The following VPS13B variants were observed in gnomAD, a reference collection of about 807,000 sequenced individuals.
VPS13B encodes the protein vacuolar protein sorting 13 homolog B, also known as intermembrane lipid transfer protein VPS13B.
VPS13B carries 285 observed loss-of-function variants against 426.4 expected under a neutral mutation model. That is an observed-to-expected ratio of 0.67 (90% confidence interval 0.61 to 0.74). VPS13B has a LOEUF of 0.74. VPS13B is among the 30% of genes least tolerant of loss of function. The pLI, the probability that VPS13B is intolerant of heterozygous loss-of-function variation, is 0.00. For synonymous variants in VPS13B, 1,676 were observed against 1,676.4 expected (o/e 1.00, Z 0.01); for missense variants, 4,537 against 4,782.6 (o/e 0.95, Z 1.51).
At chr8:99,858,483 C>A (rs1044210752) in intron 56 of VPS13B, among the ~76,000 whole-genome samples, 2 of 152,276 alleles carry the variant, frequency 1.3e-5, no homozygotes, top group East Asian at 3.9e-4. Flanking sequence ...TCACAGAGTT[C>A]AAGACCAGCC....
chr8:99,855,334 A>G (rs542433567), intron 56 of VPS13B, among the ~76,000 whole-genome samples: 81 of 152,300 alleles, frequency 5.3e-4, no homozygotes, highest in Admixed American at 2.1e-3. Flanking sequence ...GTGAGCTATG[A>G]TCACATCACT....
chr8:99,761,909 A>G (rs1810950861), intron 39 of VPS13B, among the ~76,000 whole-genome samples: 1 of 152,218 alleles, frequency 6.6e-6, no homozygotes, highest in Non-Finnish European at 1.5e-5. Context: ...CATAGGATAA[A>G]TAAGATCTGA....
At chr8:99,025,660 G>A (rs1842098398) in intron 2 of VPS13B, among the ~76,000 whole-genome samples, 3 of 152,030 alleles carry the variant, frequency 2.0e-5, no homozygotes. Flanking sequence ...AAAGTTTAGT[G>A]GAATTCAGTA....
chr8:99,556,899 A>G (rs1339147244), intron 31 of VPS13B, among the ~76,000 whole-genome samples: 1 of 151,968 alleles, frequency 6.6e-6, no homozygotes, highest in African/African-American at 2.4e-5. Flanking sequence ...AAAAAAGCTT[A>G]CTATTTATTG....
At chr8:99,552,955 T>A (rs1824363533) in intron 30 of VPS13B, among the ~76,000 whole-genome samples, 1 of 152,142 alleles carries the variant, frequency 6.6e-6, no homozygotes. Context: ...GATACAGAAC[T>A]GTCCTATCAC....
intron 25 of VPS13B, among the ~76,000 whole-genome samples, chr8:99,484,037 G>A (rs1310722216): frequency 6.6e-6 from 1 of 152,106 alleles, no homozygotes; most frequent in East Asian, 1.9e-4. Context: ...TGGCTATTTT[G>A]TGGAGAAAAT....
chr8:99,674,238 G>T lies in VPS13B; in HGVS notation c.6046+12747G>T, dbSNP rs369954249. Among the ~76,000 whole-genome samples the T allele has an allele frequency of 4.5e-4, 68 of 152,032 alleles. 1 individual carries two copies. The highest frequency in any genetic ancestry group is 1.5e-3 in the African/African-American group (64 of 41,502). On this transcript the variant is annotated intron_variant, in intron 35 of 61. Coordinates refer to ENST00000357162, the MANE Select transcript of VPS13B (RefSeq NM_152564.5). ...CAGTCTATCTCTCCCTTTAGATCTA[G>T]TAATATTTGCTTTATATATTTAGAT...
intron 17 of VPS13B, among the ~76,000 whole-genome samples, chr8:99,228,142 A>G (rs1816118395): frequency 6.6e-6 from 1 of 152,244 alleles, no homozygotes; most frequent in African/African-American, 2.4e-5. Flanking sequence ...AAAAAATAAA[A>G]TGGCTTAACT....
intron 17 of VPS13B, among the ~76,000 whole-genome samples, chr8:99,236,450 A>G (rs1409284159): frequency 1.3e-5 from 2 of 152,152 alleles, no homozygotes; most frequent in Non-Finnish European, 2.9e-5. Context: ...GGGTTTGGCC[A>G]TATTGGCCAG....
intron 19 of VPS13B, among the ~76,000 whole-genome samples, chr8:99,336,769 C>T (rs570676894): frequency 2.0e-5 from 3 of 152,106 alleles, no homozygotes; most frequent in Admixed American, 1.3e-4. Flanking sequence ...AAAATGCTGA[C>T]TATCACTGGC....
At chr8:99,571,702 TTA>T (rs1239728681) in intron 31 of VPS13B, among the ~76,000 whole-genome samples, 1 of 152,160 alleles carries the variant, frequency 6.6e-6, no homozygotes, top group South Asian at 2.1e-4. Flanking sequence ...ACATCAGATG[TTA>T]TATGTTTCTC....
intron 33 of VPS13B, among the ~76,000 whole-genome samples, chr8:99,588,932 G>A (rs9693360): frequency 0.14 from 20,931 of 150,312 alleles, 2,115 homozygotes; most frequent in East Asian, 0.39. Flanking sequence ...CCCATTCAGT[G>A]TTTATCATAA....
At chr8:99,280,630 A>T (rs1819126144) in intron 19 of VPS13B, among the ~76,000 whole-genome samples, 1 of 151,872 alleles carries the variant, frequency 6.6e-6, no homozygotes, top group Non-Finnish European at 1.5e-5. Flanking sequence ...TCTTTTCTCT[A>T]TTTCTGTTTC....
chr8:99,291,166 G>A (rs1819714233), intron 19 of VPS13B, among the ~76,000 whole-genome samples: 1 of 152,066 alleles, frequency 6.6e-6, no homozygotes. Context: ...GGAATTACAG[G>A]AGGTGATTAA....
intron 39 of VPS13B, among the ~76,000 whole-genome samples, chr8:99,735,139 G>A (rs1390412831): frequency 9.2e-5 from 14 of 152,100 alleles, no homozygotes; most frequent in African/African-American, 3.4e-4. Context: ...AGCCAAGAAA[G>A]CAAAATAGAA....
At position 99,454,658 on chromosome 8, in the gene VPS13B, A is replaced by C. The variant is rs1438661513; in HGVS notation, c.3445+12023A>C. 2.0e-5 allele frequency among the ~76,000 whole-genome samples: 3 copies of C among 152,286 alleles called. No homozygotes were observed. The East Asian group carries it at 5.8e-4, about 29-fold the overall frequency. ...CTTCTTTCGATAAATACTAAGGTAC[A>C]TGCATGACTGCCAGATCGTATGGTA... On this transcript the variant is annotated intron_variant, in intron 23 of 61. Coordinates refer to ENST00000357162, the MANE Select transcript of VPS13B (RefSeq NM_152564.5).
chr8:99,598,403 T>C (rs545903711), intron 33 of VPS13B, among the ~76,000 whole-genome samples: 3 of 152,162 alleles, frequency 2.0e-5, no homozygotes, highest in South Asian at 2.1e-4. Context: ...ATTGATTATA[T>C]AGAAGGGCGA....
At chr8:99,705,637 T>C (rs1204845165) in intron 36 of VPS13B, among the ~76,000 whole-genome samples, 1 of 152,210 alleles carries the variant, frequency 6.6e-6, no homozygotes, top group Non-Finnish European at 1.5e-5. Flanking sequence ...AACCAAATTA[T>C]GTAAATACAG....
intron 33 of VPS13B, among the ~76,000 whole-genome samples, chr8:99,624,828 C>A (rs1828537523): frequency 6.8e-6 from 1 of 148,060 alleles, no homozygotes. Flanking sequence ...TTTTTTTCCC[C>A]CTTCCTGAGA....
Sources: gnomAD v4.1 joint callset for allele counts (sites outside exome capture counted in the v4.1 genomes callset) on GRCh38, gnomAD v4.1.1 for gene constraint, MANE v1.5 for transcripts, NCBI Gene and HGNC (gene_info 2026-07-23, HGNC 2026-07-21) for gene names.